Variants in CHCHD3 observed in about 807,000 individuals in gnomAD.
CHCHD3 encodes MICOS complex subunit MIC19.
A neutral mutation model predicts 38.2 loss-of-function variants in CHCHD3; 20 were observed. The ratio of observed to expected loss-of-function variants is 0.52; its 90% CI spans 0.37 to 0.76. The LOEUF (loss-of-function observed/expected upper bound fraction) is 0.76, where lower values mean the gene tolerates loss of function less well. Among genes scored for constraint, CHCHD3 ranks in the 30% least tolerant of loss-of-function variants. The pLI is 0.00. For missense variants in CHCHD3, 245 were observed against 279.2 expected, an observed-to-expected ratio of 0.88 and a Z score of 0.87; for synonymous variants, 82 against 100.0, an observed-to-expected ratio of 0.82 and a Z score of 1.07.
At chr7:132,929,452 T>G (rs949638662) in intron 4 of CHCHD3, among the ~76,000 whole-genome samples, 14 of 152,188 alleles carry the variant, frequency 9.2e-5, no homozygotes, top group Non-Finnish European at 1.5e-5. Flanking sequence ...CTTGTCTTCT[T>G]TCTTCTCTCC....
intron 4 of CHCHD3, among the ~76,000 whole-genome samples, chr7:132,899,146 A>G (rs1399402627): frequency 2.0e-5 from 3 of 152,188 alleles, no homozygotes; most frequent in South Asian, 2.1e-4. Flanking sequence ...GGCTGTGAGG[A>G]CTGCCAGCAC....
intron 4 of CHCHD3, among the ~76,000 whole-genome samples, chr7:132,930,796 C>T (rs1810495197): frequency 6.6e-6 from 1 of 152,140 alleles, no homozygotes; most frequent in Non-Finnish European, 1.5e-5. Context: ...TTCGATCCAG[C>T]TTTTCTCTCA....
intron 2 of CHCHD3, among the ~76,000 whole-genome samples, chr7:133,043,638 T>C (rs1244924327): frequency 7.0e-6 from 1 of 143,512 alleles, no homozygotes; most frequent in African/African-American, 2.6e-5. Flanking sequence ...CGGTTGAGAC[T>C]CCATCTCAAA....
intron 7 of CHCHD3, among the ~76,000 whole-genome samples, chr7:132,791,723 A>G (rs982707393): frequency 4.6e-5 from 7 of 152,166 alleles, no homozygotes; most frequent in Admixed American, 6.5e-5. Flanking sequence ...CTCCATATGC[A>G]CTGATCTTGA....
chr7:132,993,123 T>C (rs1812326909), intron 3 of CHCHD3, among the ~76,000 whole-genome samples: 1 of 152,212 alleles, frequency 6.6e-6, no homozygotes, highest in African/African-American at 2.4e-5. Flanking sequence ...TAAGGCTTTC[T>C]CTTTATCCTT....
intron 4 of CHCHD3, among the ~76,000 whole-genome samples, chr7:132,971,363 G>A (rs1032184311): frequency 2.0e-5 from 3 of 152,228 alleles, no homozygotes; most frequent in African/African-American, 7.2e-5. Flanking sequence ...ATCACTCAGT[G>A]CTGAGTAGAG....
At chr7:132,914,123 C>CGT (rs200561468) in intron 4 of CHCHD3, among the ~76,000 whole-genome samples, 30,126 of 131,988 alleles carry the variant, frequency 0.23, 3,604 homozygotes, top group Non-Finnish European at 0.28. Flanking sequence ...CCATGCCTGG[C>CGT]GTGTGTGTGT....
chr7:132,995,082 T>C (rs1232951625), intron 3 of CHCHD3, among the ~76,000 whole-genome samples: 1 of 152,216 alleles, frequency 6.6e-6, no homozygotes, highest in Non-Finnish European at 1.5e-5. Flanking sequence ...CTAAGCAGTA[T>C]ACTAGATTTT....
intron 6 of CHCHD3, among the ~76,000 whole-genome samples, chr7:132,835,046 C>T (rs1807743961): frequency 6.6e-6 from 1 of 151,866 alleles, no homozygotes; most frequent in Non-Finnish European, 1.5e-5. Context: ...TCTCAGCTCA[C>T]TGCAACCTTT....
At chr7:132,798,067 T>A (rs1806667320) in intron 6 of CHCHD3, among the ~76,000 whole-genome samples, 1 of 152,184 alleles carries the variant, frequency 6.6e-6, no homozygotes, top group Non-Finnish European at 1.5e-5. Context: ...ATATTTCTCA[T>A]CAATAAGGAA....
chr7:132,937,964 C>G (rs1019429777), intron 4 of CHCHD3, among the ~76,000 whole-genome samples: 4 of 152,098 alleles, frequency 2.6e-5, no homozygotes, highest in African/African-American at 7.2e-5. Context: ...TACAAACATA[C>G]AGCCATTAAG....
At chr7:132,985,295 A>G (rs1812073264) in intron 3 of CHCHD3, among the ~76,000 whole-genome samples, 2 of 53,064 alleles carry the variant, frequency 3.8e-5, no homozygotes, top group African/African-American at 7.5e-5. Context: ...CCGGGAGGTG[A>G]GGGGCGCCTC....
chr7:132,797,951 C>T (rs1200436118), intron 6 of CHCHD3, among the ~76,000 whole-genome samples: 1 of 152,102 alleles, frequency 6.6e-6, no homozygotes, highest in Non-Finnish European at 1.5e-5. Flanking sequence ...CCAGTCTTAT[C>T]ACTTCTATTT....
chr7:132,999,924 T>C (rs1427635204), intron 3 of CHCHD3, among the ~76,000 whole-genome samples: 1 of 152,186 alleles, frequency 6.6e-6, no homozygotes, highest in African/African-American at 2.4e-5. Context: ...TACAACATTA[T>C]ACAAAGCATT....
intron 3 of CHCHD3, among the ~76,000 whole-genome samples, chr7:133,007,021 A>T (rs748256091): frequency 2.6e-5 from 4 of 152,206 alleles, no homozygotes; most frequent in Non-Finnish European, 5.9e-5. Flanking sequence ...TTTTGTGTGA[A>T]TAGTGAGATT....
rs145087832 is a variant in CHCHD3, at chr7:132,841,060, T to C, written c.454-2591A>G. On this transcript the variant is annotated intron_variant, in intron 5 of 7. Coordinates refer to ENST00000262570, the MANE Select transcript of CHCHD3 (RefSeq NM_017812.4). ...ACCAGTTTCCCATATTGCATAAATC[T>C]TTCCAACAAAGAAAAGTCCCCAGGA... Among the ~76,000 whole-genome samples the C allele has an allele frequency of 7.6e-4, 116 of 152,204 alleles. No homozygotes were observed. In the Middle Eastern group the frequency reaches 0.027, roughly 36 times the overall value.
intron 5 of CHCHD3, among the ~76,000 whole-genome samples, chr7:132,844,549 G>T (rs2117105376): frequency 6.6e-6 from 1 of 152,276 alleles, no homozygotes; most frequent in East Asian, 1.9e-4. Context: ...ATTTGTGGCA[G>T]GTACATGTGA....
intron 4 of CHCHD3, among the ~76,000 whole-genome samples, chr7:132,914,965 G>C (rs141387814): frequency 1.3e-5 from 2 of 151,922 alleles, no homozygotes; most frequent in African/African-American, 4.8e-5. Flanking sequence ...AGTTTGAGAC[G>C]AGCCTGGCCA....
chr7:132,953,899 TC>T (rs1473680657), intron 4 of CHCHD3, among the ~76,000 whole-genome samples: 1 of 152,208 alleles, frequency 6.6e-6, no homozygotes, highest in Non-Finnish European at 1.5e-5. Context: ...CCTTTCACTT[TC>T]CCAGTTTGGA....
Sources: allele counts gnomAD v4.1 joint callset (sites outside exome capture counted in the v4.1 genomes callset), GRCh38; gene constraint gnomAD v4.1.1; transcripts MANE v1.5; gene names NCBI Gene and HGNC (gene_info 2026-07-23, HGNC 2026-07-21).